Variants in GABRA3 observed in about 807,000 individuals in gnomAD.
GABRA3 encodes the protein gamma-aminobutyric acid receptor subunit alpha-3.
In GABRA3, 10 loss-of-function variants were observed where a neutral mutation model predicts 30.1. The ratio of observed to expected loss-of-function variants is 0.33; its 90% CI spans 0.20 to 0.56. GABRA3 has a LOEUF of 0.56. Among genes scored for constraint, GABRA3 ranks in the 20% least tolerant of loss-of-function variants. The pLI is 0.89. For missense variants in GABRA3, 233 were observed against 392.0 expected (o/e 0.59, Z 3.42); for synonymous variants, 151 against 146.8 (o/e 1.03, Z -0.21).
At position 152,166,820 on chromosome X, in the gene GABRA3, C is replaced by A. The variant is rs766953372; in HGVS notation, c.*1408G>T. ...TGAGATTGTGCTGATTCTGAGGTCA[C>A]GGTGGACCTGGCTTCTCAGTCCTTT... On this transcript the variant is annotated 3_prime_UTR_variant, in exon 10 of 10. Transcript: ENST00000370314. 3 of 111,014 alleles carry A rather than the reference C, an allele frequency of 2.7e-5. No homozygotes were observed. The highest frequency in any genetic ancestry group is 9.6e-5 in the Admixed American group (1 of 10,416). The allele number at this position is 111,014 out of a possible 1,213,427, so 9.1% of individuals were successfully genotyped here. A position where few individuals can be genotyped will look rare whatever the true frequency, so the allele number is the denominator to read the frequency against.
chrX:152,316,389 C>T (rs1278401321), intron 3 of GABRA3, among the ~76,000 whole-genome samples: 6 of 111,624 alleles, frequency 5.4e-5, no homozygotes, highest in Admixed American at 9.5e-5. Flanking sequence ...AGAATAATTG[C>T]CATTCCTGAG....
intron 3 of GABRA3, among the ~76,000 whole-genome samples, chrX:152,334,103 C>G (rs1484694662): frequency 9.0e-6 from 1 of 111,553 alleles, no homozygotes; most frequent in Non-Finnish European, 1.9e-5. Flanking sequence ...TGTCAACACA[C>G]TAAAAAGAAA....
intron 2 of GABRA3, among the ~76,000 whole-genome samples, chrX:152,352,890 A>G (rs943363227): frequency 1.8e-5 from 2 of 111,068 alleles, no homozygotes; most frequent in Admixed American, 9.6e-5. Context: ...GGCAAATCAG[A>G]TTACTCACCA....
intron 4 of GABRA3, among the ~76,000 whole-genome samples, chrX:152,268,080 T>C (rs2124423810): frequency 9.0e-6 from 1 of 111,317 alleles, no homozygotes; most frequent in South Asian, 3.8e-4. Flanking sequence ...AGGTTTTTTT[T>C]GGAGTGTCTT....
chrX:152,227,018 C>A (rs866730647), intron 5 of GABRA3, among the ~76,000 whole-genome samples: 35 of 110,720 alleles, frequency 3.2e-4, no homozygotes, highest in Middle Eastern at 9.3e-3. Flanking sequence ...TTGACCCAGC[C>A]ATCCCATTAC....
intron 5 of GABRA3, among the ~76,000 whole-genome samples, chrX:152,229,572 G>A (rs985144481): frequency 2.7e-5 from 3 of 110,162 alleles, no homozygotes; most frequent in African/African-American, 6.6e-5. Context: ...AAGTTAGAAG[G>A]GGTAGCAGTG....
At chrX:152,434,331 T>C (rs979057840) in intron 1 of GABRA3, among the ~76,000 whole-genome samples, 9 of 111,246 alleles carry the variant, frequency 8.1e-5, no homozygotes, top group African/African-American at 2.9e-4. Context: ...CCCTCAAACA[T>C]AGGACTCCAA....
Position 152,224,844 on chromosome X carries a change from A to T in GABRA3, c.553T>A (p.Leu185Ile). 1.7e-6 allele frequency: 2 copies of T among 1,163,513 alleles called. No homozygotes were observed. The highest frequency in any genetic ancestry group is 2.3e-6 in the Non-Finnish European group (2 of 858,895). Residue 185 changes from leucine to isoleucine, a missense_variant and splice_region_variant, in exon 6 of 10, where the codon TTA becomes ATA. Leu to Ile is a conservative substitution (Grantham distance 5). Around this residue, in one of 6 missense-constraint regions of GABRA3, gnomAD observed 42 missense variants for 116.2 expected, o/e 0.36. Coordinates refer to ENST00000370314, the MANE Select transcript of GABRA3 (RefSeq NM_000808.4). Reference protein sequence around the residue: ...DNGTLLYTMRLTIHAECPMHL... With the variant: ...DNGTLLYTMRITIHAECPMHL... Reference sequence around the variant, plus strand: ...ATGGGACACTCAGCATGAATTGTTAACCTAAAAGAAAGGCAAACAGAAAAT... The same window carrying T: ...ATGGGACACTCAGCATGAATTGTTATCCTAAAAGAAAGGCAAACAGAAAAT...
rs923959882 is a variant in GABRA3, at chrX:152,259,674, C to A, written c.331-3676G>T. 1.8e-5 allele frequency among the ~76,000 whole-genome samples: 2 copies of A among 110,562 alleles called. 1 individual carries two copies. The highest frequency in any genetic ancestry group is 3.8e-5 in the Non-Finnish European group (2 of 52,911). On this transcript the variant is annotated intron_variant, in intron 4 of 9. Coordinates refer to ENST00000370314, the MANE Select transcript of GABRA3 (RefSeq NM_000808.4). ...TGCCTTGAAAGGAAGGAACGAACCC[C>A]GGCAGGATTTATCACCTGCTAACTA...
intron 1 of GABRA3, among the ~76,000 whole-genome samples, chrX:152,422,476 T>C (rs1930399874): frequency 9.0e-6 from 1 of 110,761 alleles, no homozygotes; most frequent in Non-Finnish European, 1.9e-5. Flanking sequence ...CTGACCCTGA[T>C]AGTGGTTACA....
At chrX:152,385,246 AT>A (rs1467290681) in intron 1 of GABRA3, among the ~76,000 whole-genome samples, 1 of 111,797 alleles carries the variant, frequency 8.9e-6, no homozygotes, top group Non-Finnish European at 1.9e-5. Flanking sequence ...ATGATGTACT[AT>A]TTCTACTGTT....
intron 1 of GABRA3, among the ~76,000 whole-genome samples, chrX:152,400,195 C>T (rs1282145477): frequency 9.0e-6 from 1 of 111,183 alleles, no homozygotes; most frequent in Non-Finnish European, 1.9e-5. Flanking sequence ...AATTTAAATA[C>T]AAGTAGGCTG....
chrX:152,367,395 C>T (rs1243712502), intron 1 of GABRA3, among the ~76,000 whole-genome samples: 4 of 111,484 alleles, frequency 3.6e-5, no homozygotes, highest in South Asian at 3.8e-4. Context: ...AATCATGACA[C>T]GTGCTCAGGC....
At chrX:152,284,828 C>T (rs1409119610) in intron 3 of GABRA3, 93 bp from the exon 4 acceptor site, 2 of 541,784 alleles carry the variant, frequency 3.7e-6, no homozygotes, top group Non-Finnish European at 5.8e-6. Flanking sequence ...TGACAGCCAA[C>T]TTACTACTTC....
intron 3 of GABRA3, among the ~76,000 whole-genome samples, chrX:152,327,020 A>C (rs1309515504): frequency 9.2e-6 from 1 of 108,899 alleles, no homozygotes; most frequent in Non-Finnish European, 1.9e-5. Flanking sequence ...CCTACCAAGC[A>C]AATGGAAAAA....
intron 5 of GABRA3, among the ~76,000 whole-genome samples, chrX:152,247,830 A>C (rs1409637615): frequency 9.0e-6 from 1 of 111,272 alleles, no homozygotes; most frequent in African/African-American, 3.3e-5. Flanking sequence ...AATACATGTG[A>C]AGCAACTAGC....
chrX:152,206,530 A>G (rs1203077895), intron 7 of GABRA3, among the ~76,000 whole-genome samples: 1 of 111,688 alleles, frequency 9.0e-6, no homozygotes, highest in East Asian at 2.9e-4. Context: ...CAGGAAAAGT[A>G]TGTCAATGCC....
intron 3 of GABRA3, among the ~76,000 whole-genome samples, chrX:152,288,463 C>G: frequency 8.9e-6 from 1 of 112,248 alleles, no homozygotes; most frequent in Non-Finnish European, 1.9e-5. Flanking sequence ...GTATTTAGAC[C>G]AGTAGTTAGA....
In GABRA3 at chrX:152,240,971, G is replaced by C. The variant is rs1421641998; in HGVS notation, c.551+14807C>G. ...TCCCGTAGCTCAGAGTAATTTGATC[G>C]TCTGAAGCCTTCTTCTCTCAGCTCG... On this transcript the variant is annotated intron_variant, in intron 5 of 9. Coordinates refer to ENST00000370314, the MANE Select transcript of GABRA3 (RefSeq NM_000808.4). Among the ~76,000 whole-genome samples the C allele has an allele frequency of 5.9e-5, 6 of 102,221 alleles. No homozygotes were observed. In the South Asian group the frequency reaches 1.9e-3, roughly 32 times the overall value. 88.8% of individuals were successfully genotyped at this position (102,221 alleles called of 115,157 possible).
Sources: allele counts gnomAD v4.1 joint callset (sites outside exome capture counted in the v4.1 genomes callset), GRCh38; gene constraint gnomAD v4.1.1; regional missense constraint gnomAD v4.1.1; transcripts MANE v1.5; gene names NCBI Gene and HGNC (gene_info 2026-07-23, HGNC 2026-07-21).